Variants in MGAT4C observed in about 807,000 individuals in gnomAD.
The protein encoded by MGAT4C is alpha-1,3-mannosyl-glycoprotein 4-beta-N-acetylglucosaminyltransferase C.
Under a neutral mutation model 40.1 loss-of-function variants are expected in MGAT4C, and 19 were observed. The ratio of observed to expected loss-of-function variants is 0.47; its 90% CI spans 0.33 to 0.70. The LOEUF is 0.70. Ranked by LOEUF, MGAT4C falls within the 30% of genes least tolerant of loss-of-function variation. The pLI, the probability that MGAT4C is intolerant of heterozygous loss-of-function variation, is 0.02. For synonymous variants in MGAT4C, 181 were observed against 187.1 expected (o/e 0.97, Z 0.27); for missense variants, 491 against 563.2 (o/e 0.87, Z 1.30).
At chr12:86,493,840 A>G (rs951648077) in intron 2 of MGAT4C, among the ~76,000 whole-genome samples, 1 of 152,022 alleles carries the variant, frequency 6.6e-6, no homozygotes, top group Non-Finnish European at 1.5e-5. Context: ...TCCTGCATCA[A>G]TGGCAGCACC....
intron 1 of MGAT4C, among the ~76,000 whole-genome samples, chr12:86,130,896 C>T (rs1255585586): frequency 6.6e-6 from 1 of 151,956 alleles, no homozygotes; most frequent in Non-Finnish European, 1.5e-5. Flanking sequence ...TATTTTTACT[C>T]TCACCACCAT....
chr12:85,998,026 T>A (rs554588421), intron 2 of MGAT4C, among the ~76,000 whole-genome samples: 1 of 152,218 alleles, frequency 6.6e-6, no homozygotes, highest in East Asian at 1.9e-4. Flanking sequence ...TATCTGGATA[T>A]CCAGGTGTTT....
chr12:86,586,048 C>A (rs972508019), intron 2 of MGAT4C, among the ~76,000 whole-genome samples: 1 of 149,040 alleles, frequency 6.7e-6, no homozygotes, highest in Non-Finnish European at 1.5e-5. Flanking sequence ...GTGCTGCACC[C>A]ATTAACTCCT....
At chr12:86,822,160 G>T (rs1952717588) in intron 1 of MGAT4C, among the ~76,000 whole-genome samples, 2 of 150,446 alleles carry the variant, frequency 1.3e-5, no homozygotes, top group South Asian at 4.2e-4. Context: ...TAGACCCCAA[G>T]GTCACCACAC....
At chr12:86,807,155 G>A (rs1952372283) in intron 1 of MGAT4C, among the ~76,000 whole-genome samples, 2 of 151,892 alleles carry the variant, frequency 1.3e-5, no homozygotes, top group Admixed American at 1.3e-4. Flanking sequence ...TACATGTGCA[G>A]GATGTGCAGG....
At chr12:86,123,817 A>G (rs543827766) in intron 1 of MGAT4C, among the ~76,000 whole-genome samples, 1 of 152,222 alleles carries the variant, frequency 6.6e-6, no homozygotes, top group African/African-American at 2.4e-5. Flanking sequence ...AAATGCCTCA[A>G]TCAGGTTATT....
intron 1 of MGAT4C, among the ~76,000 whole-genome samples, chr12:86,101,518 C>G (rs1415614988): frequency 6.6e-6 from 1 of 151,766 alleles, no homozygotes; most frequent in South Asian, 2.1e-4. Flanking sequence ...CCATAATTCT[C>G]AGTGTAAAAT....
intron 1 of MGAT4C, among the ~76,000 whole-genome samples, chr12:86,083,431 T>C (rs1592889199): frequency 6.6e-6 from 1 of 152,078 alleles, no homozygotes; most frequent in South Asian, 2.1e-4. Flanking sequence ...TTCAGTTTTA[T>C]AGTACTGTCC....
At chr12:86,321,618 T>C (rs1327768168) in intron 4 of MGAT4C, among the ~76,000 whole-genome samples, 1 of 152,204 alleles carries the variant, frequency 6.6e-6, no homozygotes, top group Non-Finnish European at 1.5e-5. Context: ...GCCACTATGT[T>C]CTTTTTTAAA....
intron 1 of MGAT4C, among the ~76,000 whole-genome samples, chr12:86,253,409 T>C (rs1952385441): frequency 6.6e-6 from 1 of 151,874 alleles, no homozygotes; most frequent in Non-Finnish European, 1.5e-5. Context: ...TGTAAACCTG[T>C]TTCTGAGTCC....
intron 2 of MGAT4C, among the ~76,000 whole-genome samples, chr12:86,032,209 C>T (rs931287013): frequency 1.3e-5 from 2 of 151,812 alleles, no homozygotes; most frequent in Non-Finnish European, 2.9e-5. Flanking sequence ...CTTTTGAGAA[C>T]AGTGCCACAA....
chr12:86,539,894 T>C (rs568762110), intron 2 of MGAT4C, among the ~76,000 whole-genome samples: 1 of 152,316 alleles, frequency 6.6e-6, no homozygotes, highest in East Asian at 1.9e-4. Context: ...TGTAAATTTG[T>C]TTAAGTTCTT....
At chr12:86,552,817 T>C (rs1420911629) in intron 2 of MGAT4C, among the ~76,000 whole-genome samples, 7 of 152,144 alleles carry the variant, frequency 4.6e-5, no homozygotes, top group African/African-American at 1.7e-4. Context: ...TGCATAACTA[T>C]ATCTCTCAAT....
intron 2 of MGAT4C, among the ~76,000 whole-genome samples, chr12:86,680,860 T>A (rs778976657): frequency 1.3e-4 from 19 of 151,914 alleles, no homozygotes; most frequent in Non-Finnish European, 1.9e-4. Flanking sequence ...TTTCTATAGT[T>A]GTGAATTTAG....
chr12:86,181,278 A>G (rs963989101), intron 1 of MGAT4C, among the ~76,000 whole-genome samples: 2 of 152,080 alleles, frequency 1.3e-5, no homozygotes, highest in Non-Finnish European at 2.9e-5. Context: ...CTTTTTTAGC[A>G]GCATGAAAAA....
intron 1 of MGAT4C, among the ~76,000 whole-genome samples, chr12:86,075,647 A>G (rs142406321): frequency 3.9e-5 from 6 of 152,324 alleles, no homozygotes; most frequent in African/African-American, 1.4e-4. Context: ...CTGGGAATCC[A>G]GGTGTTTCCA....
intron 1 of MGAT4C, among the ~76,000 whole-genome samples, chr12:86,153,233 G>A (rs1047879038): frequency 6.6e-6 from 1 of 152,082 alleles, no homozygotes; most frequent in Non-Finnish European, 1.5e-5. Flanking sequence ...TACTCCTGGA[G>A]GAAATCTCTT....
intron 1 of MGAT4C, among the ~76,000 whole-genome samples, chr12:86,778,344 A>T (rs75855665): frequency 3.5e-4 from 54 of 152,310 alleles, no homozygotes; most frequent in Non-Finnish European, 5.7e-4. Context: ...ATTTTAGACA[A>T]CTTGTTTAGA....
intron 1 of MGAT4C, among the ~76,000 whole-genome samples, chr12:86,114,602 T>C (rs1380814460): frequency 1.3e-5 from 2 of 151,926 alleles, no homozygotes; most frequent in African/African-American, 4.8e-5. Context: ...CTTCAATGTA[T>C]ACCATCTGCA....
Sources: gnomAD v4.1 joint callset for allele counts (sites outside exome capture counted in the v4.1 genomes callset) on GRCh38, gnomAD v4.1.1 for gene constraint, MANE v1.5 for transcripts, NCBI Gene and HGNC (gene_info 2026-07-23, HGNC 2026-07-21) for gene names.